Variants in EYA2 observed in about 807,000 individuals in gnomAD.
EYA2 encodes protein phosphatase EYA2.
A neutral mutation model predicts 69.2 loss-of-function variants in EYA2; 31 were observed. The observed-to-expected ratio is 0.45, with a 90% CI of 0.34 to 0.60. The LOEUF (loss-of-function observed/expected upper bound fraction) is 0.60, where lower values mean the gene tolerates loss of function less well. Ranked by LOEUF, EYA2 falls within the 20% of genes least tolerant of loss-of-function variation. EYA2 has a pLI of 0.02. For missense variants in EYA2, 622 were observed against 701.2 expected (o/e 0.89, Z 1.28); for synonymous variants, 257 against 279.4 (o/e 0.92, Z 0.80).
At chr20:47,111,906 G>A (rs1310912873) in intron 9 of EYA2, among the ~76,000 whole-genome samples, 5 of 152,134 alleles carry the variant, frequency 3.3e-5, no homozygotes, top group Non-Finnish European at 5.9e-5. Flanking sequence ...GAGGTGGGCA[G>A]ATCACTTGAG....
At chr20:47,023,120 T>C (rs1983853277) in intron 5 of EYA2, among the ~76,000 whole-genome samples, 1 of 152,194 alleles carries the variant, frequency 6.6e-6, no homozygotes, top group Admixed American at 6.5e-5. Context: ...ATCTTTCTTC[T>C]ACCCTCATGC....
intron 7 of EYA2, among the ~76,000 whole-genome samples, chr20:47,079,413 A>G (rs2031637218): frequency 6.6e-6 from 1 of 152,160 alleles, no homozygotes; most frequent in African/African-American, 2.4e-5. Flanking sequence ...TGCAGAGGCC[A>G]CCTGCCTTCC....
rs1311747479 is a variant in EYA2, at chr20:47,016,256, C to T, written c.374C>T (p.Thr125Ile). ...CTCAGCTATGGCTCCAGCTTCAGCA[C>T]CTCACCCACTGGACAGAGCCCATAC... ...GFLSYGSSFS[T>I]SPTGQSPYTY... The change falls in exon 5 of 16, where the codon ACC becomes ATC. Residue 125 changes from threonine (T) to isoleucine (I), a missense_variant. Physicochemically the swap from Thr to Ile is moderately conservative, Grantham distance 89. Around this residue, in one of 2 missense-constraint regions of EYA2, gnomAD observed 365 missense variants for 349.7 expected, o/e 1.04. Transcript: ENST00000327619. The T allele has an allele frequency of 6.2e-7, 1 of 1,614,220 alleles. No individual in the cohort carries two copies. The highest frequency in any genetic ancestry group is 1.7e-5 in the Admixed American group (1 of 60,030).
chr20:46,942,595 C>T (rs1280500485), intron 1 of EYA2, among the ~76,000 whole-genome samples: 1 of 152,124 alleles, frequency 6.6e-6, no homozygotes. Context: ...GCCCAGCTTT[C>T]GAGGGATCAC....
intron 1 of EYA2, among the ~76,000 whole-genome samples, chr20:46,959,745 A>C: frequency 6.6e-6 from 1 of 151,412 alleles, no homozygotes; most frequent in Non-Finnish European, 1.5e-5. Flanking sequence ...CCCTCTCCCA[A>C]CCCCCACGTC....
At chr20:47,038,592 G>A (rs1984849943) in intron 5 of EYA2, among the ~76,000 whole-genome samples, 1 of 152,240 alleles carries the variant, frequency 6.6e-6, no homozygotes, top group Admixed American at 6.5e-5. Context: ...GTCTGTGTGT[G>A]TGTGTGCACG....
intron 4 of EYA2, among the ~76,000 whole-genome samples, chr20:47,007,612 A>G (rs1358087425): frequency 6.6e-6 from 1 of 151,720 alleles, no homozygotes; most frequent in Non-Finnish European, 1.5e-5. Context: ...TTTTAATTTT[A>G]TTCTTATTTT....
intron 9 of EYA2, chr20:47,117,331 TC>T: frequency 1.0e-6 from 1 of 980,398 alleles, no homozygotes; most frequent in Non-Finnish European, 1.2e-6. Flanking sequence ...TTTAACTCCA[TC>T]CCCAGGCCAT....
At chr20:46,973,973 T>C (rs557289200) in intron 1 of EYA2, among the ~76,000 whole-genome samples, 1 of 152,318 alleles carries the variant, frequency 6.6e-6, no homozygotes, top group South Asian at 2.1e-4. Flanking sequence ...AGACATCTGC[T>C]GCTGTCAGTG....
In EYA2 at chr20:47,184,271, G is replaced by T. The variant is rs113645717; in HGVS notation, c.1536+880G>T. Reference sequence around the variant, plus strand: ...TGAGGGGCAGCTGCCAGGGTCAGTCGCACTGGTGTGTGGCCAGGCTGTGGC... The same window carrying T: ...TGAGGGGCAGCTGCCAGGGTCAGTCTCACTGGTGTGTGGCCAGGCTGTGGC... On this transcript the variant is annotated intron_variant, in intron 15 of 15. Transcript: ENST00000327619. 3.5e-3 allele frequency among the ~76,000 whole-genome samples: 528 copies of T among 152,256 alleles called. 1 individual carries two copies. The highest frequency in any genetic ancestry group is 5.0e-3 in the Non-Finnish European group (342 of 68,010).
chr20:47,093,463 C>G (rs186510821), intron 8 of EYA2, among the ~76,000 whole-genome samples: 7 of 152,374 alleles, frequency 4.6e-5, no homozygotes, highest in Non-Finnish European at 1.0e-4. Flanking sequence ...CCACCTTTAT[C>G]TCGGCTGTCT....
At chr20:47,186,348 C>CTTTTTTTTTTTTT (rs765874138) in intron 15 of EYA2, among the ~76,000 whole-genome samples, 1 of 72,316 alleles carries the variant, frequency 1.4e-5, no homozygotes, top group Non-Finnish European at 3.0e-5. Flanking sequence ...AGCACTTATT[C>CTTTTTTTTTTTTT]TTTTTTTTTT....
chr20:46,904,706 C>T (rs915543957), intron 1 of EYA2, among the ~76,000 whole-genome samples: 1 of 152,192 alleles, frequency 6.6e-6, no homozygotes, highest in East Asian at 1.9e-4. Flanking sequence ...GCCAAAGACG[C>T]ACGGCCCCTC....
chr20:47,070,991 G>A (rs1481973541), intron 5 of EYA2, among the ~76,000 whole-genome samples: 3 of 152,010 alleles, frequency 2.0e-5, no homozygotes, highest in Admixed American at 6.6e-5. Flanking sequence ...TGGAACTATA[G>A]GCATGCGCCA....
chr20:47,048,579 T>C (rs1430681938), intron 5 of EYA2, among the ~76,000 whole-genome samples: 1 of 152,020 alleles, frequency 6.6e-6, no homozygotes, highest in Non-Finnish European at 1.5e-5. Context: ...CTACTAAAAA[T>C]ACAAAAATTA....
chr20:46,923,586 G>T (rs1480501536), intron 1 of EYA2, among the ~76,000 whole-genome samples: 1 of 152,184 alleles, frequency 6.6e-6, no homozygotes, highest in East Asian at 1.9e-4. Flanking sequence ...TTCTATAAGA[G>T]AATGTTATTT....
At chr20:46,918,738 G>A (rs550934848) in intron 1 of EYA2, among the ~76,000 whole-genome samples, 15 of 152,268 alleles carry the variant, frequency 9.9e-5, no homozygotes, top group Admixed American at 2.0e-4. Flanking sequence ...TGTGAATCAC[G>A]AATGTCCCTA....
intron 15 of EYA2, among the ~76,000 whole-genome samples, chr20:47,185,568 C>G (rs1046818003): frequency 1.3e-5 from 2 of 152,076 alleles, no homozygotes; most frequent in African/African-American, 4.8e-5. Flanking sequence ...TCCCAAAGTA[C>G]TGGGATTAGA....
intron 7 of EYA2, among the ~76,000 whole-genome samples, chr20:47,081,653 C>T (rs2031723501): frequency 6.6e-6 from 1 of 151,442 alleles, no homozygotes; most frequent in African/African-American, 2.4e-5. Flanking sequence ...GTGCCACACG[C>T]CTGTGATCCC....
Sources: allele counts gnomAD v4.1 joint callset (sites outside exome capture counted in the v4.1 genomes callset), GRCh38; gene constraint gnomAD v4.1.1; regional missense constraint gnomAD v4.1.1; transcripts MANE v1.5; gene names NCBI Gene and HGNC (gene_info 2026-07-23, HGNC 2026-07-21).